LTBP1: variants seen among roughly 807,000 people sequenced by gnomAD.
LTBP1 encodes latent transforming growth factor beta binding protein 1, also known as latent-transforming growth factor beta-binding protein 1.
In LTBP1, 129 loss-of-function variants were observed where a neutral mutation model predicts 207.6. That is an observed-to-expected ratio of 0.62 (90% CI 0.54 to 0.72). The LOEUF is 0.72. Ranked by LOEUF, LTBP1 falls within the 30% of genes least tolerant of loss-of-function variation. The pLI, the probability that LTBP1 is intolerant of heterozygous loss-of-function variation, is 0.00. For synonymous variants in LTBP1, 963 were observed against 833.7 expected, an observed-to-expected ratio of 1.16 and a Z score of -2.67; for missense variants, 2,281 against 2,217.2, an observed-to-expected ratio of 1.03 and a Z score of -0.58.
intron 3 of LTBP1, among the ~76,000 whole-genome samples, chr2:33,076,792 C>G (rs2078106533): frequency 6.6e-6 from 1 of 150,414 alleles, no homozygotes; most frequent in Non-Finnish European, 1.5e-5. Context: ...GTCTCGGCCT[C>G]CCAAAGTACT....
chr2:33,053,504 T>C (rs1342896964), intron 3 of LTBP1, among the ~76,000 whole-genome samples: 1 of 152,104 alleles, frequency 6.6e-6, no homozygotes, highest in African/African-American at 2.4e-5. Flanking sequence ...CAGCCCTCGC[T>C]CGCTCTCGGT....
At chr2:33,007,655 T>G (rs1260545932) in intron 2 of LTBP1, among the ~76,000 whole-genome samples, 2 of 152,192 alleles carry the variant, frequency 1.3e-5, no homozygotes, top group Non-Finnish European at 2.9e-5. Flanking sequence ...AATGTAGAAT[T>G]CCAATAGTAG....
At chr2:33,169,554 A>C (rs1451056715) in intron 5 of LTBP1, among the ~76,000 whole-genome samples, 1 of 152,224 alleles carries the variant, frequency 6.6e-6, no homozygotes, top group Non-Finnish European at 1.5e-5. Context: ...CATGAAATAG[A>C]TTACTTATCA....
At chr2:33,066,187 C>G (rs2077500021) in intron 3 of LTBP1, among the ~76,000 whole-genome samples, 4 of 152,036 alleles carry the variant, frequency 2.6e-5, no homozygotes, top group Admixed American at 2.6e-4. Context: ...TTTATGTAGT[C>G]TTATCTGTTA....
chr2:33,240,627 T>G (rs2092278185), intron 9 of LTBP1, among the ~76,000 whole-genome samples: 1 of 151,314 alleles, frequency 6.6e-6, no homozygotes, highest in Admixed American at 6.6e-5. Flanking sequence ...AAGAACCTTC[T>G]CAGGTGATGG....
chr2:33,314,154 T>C (rs575624777), intron 23 of LTBP1, among the ~76,000 whole-genome samples: 5 of 152,274 alleles, frequency 3.3e-5, no homozygotes, highest in Admixed American at 3.3e-4. Context: ...TTAATAGTAG[T>C]TATTGCTTTT....
chr2:33,176,102 A>G (rs2086019624), intron 5 of LTBP1, among the ~76,000 whole-genome samples: 1 of 151,868 alleles, frequency 6.6e-6, no homozygotes, highest in Non-Finnish European at 1.5e-5. Context: ...ACATGTATAC[A>G]TACGTAACTA....
chr2:33,322,272 G>A (rs7557379), intron 24 of LTBP1, among the ~76,000 whole-genome samples: 10,175 of 152,198 alleles, frequency 0.067, 1,116 homozygotes, highest in African/African-American at 0.23. Context: ...TCTGTGACTA[G>A]GCTAGCTGAC....
intron 3 of LTBP1, among the ~76,000 whole-genome samples, chr2:33,083,646 G>C (rs149853902): frequency 6.6e-6 from 1 of 152,112 alleles, no homozygotes; most frequent in African/African-American, 2.4e-5. Flanking sequence ...AGTACAGCTC[G>C]TGCCCTGTGG....
At chr2:33,253,690 C>T (rs1460812743) in intron 11 of LTBP1, among the ~76,000 whole-genome samples, 4 of 152,124 alleles carry the variant, frequency 2.6e-5, no homozygotes, top group African/African-American at 9.7e-5. Context: ...AAAGCTGTAA[C>T]TTACACCATA....
At chr2:32,968,880 C>T (rs186355589) in intron 2 of LTBP1, among the ~76,000 whole-genome samples, 1 of 149,700 alleles carries the variant, frequency 6.7e-6, no homozygotes, top group Admixed American at 6.7e-5. Context: ...TGTGCCACCA[C>T]ACCTGGCTGA....
intron 2 of LTBP1, among the ~76,000 whole-genome samples, chr2:32,984,926 T>A (rs1683312412): frequency 7.3e-6 from 1 of 137,340 alleles, no homozygotes; most frequent in South Asian, 2.4e-4. Context: ...AGTGAGACTC[T>A]GTTTCAAAAA....
chr2:33,355,426 G>C (rs553453062), intron 26 of LTBP1, among the ~76,000 whole-genome samples: 1 of 152,074 alleles, frequency 6.6e-6, no homozygotes, highest in Admixed American at 6.5e-5. Context: ...ATCATCTCTA[G>C]ATGACTCATA....
chr2:33,102,075 T>C (rs1034624521), intron 3 of LTBP1, among the ~76,000 whole-genome samples: 1 of 152,162 alleles, frequency 6.6e-6, no homozygotes, highest in East Asian at 1.9e-4. Context: ...AGAGGACACA[T>C]TTGGAGGTTG....
intron 5 of LTBP1, among the ~76,000 whole-genome samples, chr2:33,135,342 A>G (rs1009263895): frequency 6.6e-6 from 1 of 152,222 alleles, no homozygotes; most frequent in Non-Finnish European, 1.5e-5. Context: ...TGACTCATGT[A>G]ATAAATTTTG....
chr2:33,009,440 G>T (rs1687375137), intron 2 of LTBP1, among the ~76,000 whole-genome samples: 1 of 152,196 alleles, frequency 6.6e-6, no homozygotes, highest in African/African-American at 2.4e-5. Context: ...TCCAGAGAGT[G>T]TGTATGTGTG....
intron 22 of LTBP1, 71 bp from the exon 23 acceptor site, chr2:33,309,363 T>C (rs1191174740): frequency 1.9e-6 from 2 of 1,047,086 alleles, no homozygotes; most frequent in East Asian, 5.2e-5. Context: ...TACCTTTACA[T>C]GTAAGAGAAA....
intron 3 of LTBP1, among the ~76,000 whole-genome samples, chr2:33,072,050 T>C (rs753466144): frequency 4.6e-5 from 7 of 152,152 alleles, no homozygotes; most frequent in Non-Finnish European, 1.0e-4. Flanking sequence ...CCGTTTCAGA[T>C]ACCAGTTGCA....
intron 9 of LTBP1, among the ~76,000 whole-genome samples, chr2:33,239,902 T>TTAAA (rs56284447): frequency 0.42 from 60,508 of 144,032 alleles, 13,371 homozygotes; most frequent in Non-Finnish European, 0.48. Context: ...AGACTCCATC[T>TTAAA]TAAATAAATA....
Sources: allele counts gnomAD v4.1 joint callset (sites outside exome capture counted in the v4.1 genomes callset), GRCh38; gene constraint gnomAD v4.1.1; transcripts MANE v1.5; gene names NCBI Gene and HGNC (gene_info 2026-07-23, HGNC 2026-07-21).